Variants in SIN3A observed in about 807,000 individuals in gnomAD.
SIN3A encodes SIN3 transcription regulator family member A.
Under a neutral mutation model 146.1 loss-of-function variants are expected in SIN3A, and 14 were observed. The observed-to-expected ratio is 0.10, with a 90% confidence interval of 0.06 to 0.15. SIN3A has a LOEUF of 0.15. SIN3A is among the 10% of genes least tolerant of loss of function. The pLI is 1.00. For missense variants in SIN3A, 1,028 were observed against 1,576.0 expected (o/e 0.65, Z 5.89); for synonymous variants, 572 against 572.0 (o/e 1.00, Z 0.00).
At chr15:75,428,026 A>G (rs2073956490) in intron 2 of SIN3A, among the ~76,000 whole-genome samples, 1 of 152,146 alleles carries the variant, frequency 6.6e-6, no homozygotes, top group Non-Finnish European at 1.5e-5. Flanking sequence ...TAAAAAAACC[A>G]AAGTGATACA....
chr15:75,411,859 C>G, intron 5 of SIN3A, 116 bp from the exon 6 acceptor site: 1 of 1,150,900 alleles, frequency 8.7e-7, no homozygotes, highest in South Asian at 1.9e-5. Context: ...CTCACTCAGG[C>G]CAGGTCATTT....
chr15:75,396,461 G>A lies in SIN3A; in HGVS notation c.1890C>T (p.Ile630=), dbSNP rs369671196. The A allele has an allele frequency of 2.5e-6, 4 of 1,613,882 alleles. No individual in the cohort carries two copies. In the African/African-American group the frequency reaches 5.3e-5, roughly 22 times the overall value. Residue 630 remains isoleucine, a synonymous_variant, in exon 13 of 21, where the codon ATC becomes ATT. Transcript: ENST00000394947. ...DVVLETNLAT[I]RVLEAIQKKL... ...TCTTCTGTATTGCTTCCAGAACCCG[G>A]ATTGTTGCCAGATTGGTCTCTAAAA...
chr15:75,398,950 T>C (rs1044362786), intron 12 of SIN3A, among the ~76,000 whole-genome samples: 10 of 150,890 alleles, frequency 6.6e-5, no homozygotes, highest in African/African-American at 2.0e-4. Context: ...GATGAGTTGA[T>C]AGGTGCAGCA....
chr15:75,417,294 G>A (rs767475789), intron 3 of SIN3A, among the ~76,000 whole-genome samples: 3 of 151,762 alleles, frequency 2.0e-5, no homozygotes, highest in Non-Finnish European at 2.9e-5. Flanking sequence ...TTTAACTGAA[G>A]CCTAAATATT....
chr15:75,425,527 AT>A (rs555427699), intron 2 of SIN3A, among the ~76,000 whole-genome samples: 77 of 152,216 alleles, frequency 5.1e-4, no homozygotes, highest in African/African-American at 1.1e-3. Context: ...TGTAAAATAA[AT>A]TTTTTCCCCC....
rs765790407 is a variant in SIN3A, at chr15:75,410,298, C to T, written c.1009-12G>A. 6.2e-7 allele frequency: 1 copy of T among 1,609,426 alleles called. No homozygotes were observed. Among genetic ancestry groups the T allele is most frequent in the Non-Finnish European group, 8.5e-7 (1 of 1,178,678 alleles). ...TTTCTCTGCTCTTTCTGAGGAATTG[C>T]AAATGAAAAGAGATCATTTGGGCTA... On this transcript the variant is annotated splice_polypyrimidine_tract_variant and intron_variant, in intron 6 of 20. Transcript: ENST00000394947.
At chr15:75,417,264 G>A (rs1466381968) in intron 3 of SIN3A, among the ~76,000 whole-genome samples, 2 of 151,910 alleles carry the variant, frequency 1.3e-5, no homozygotes, top group African/African-American at 4.8e-5. Context: ...TCTGAGATAC[G>A]TTAAGTTTTA....
intron 19 of SIN3A, 117 bp downstream of exon 19, chr15:75,380,512 C>T: frequency 1.3e-6 from 1 of 759,060 alleles, no homozygotes; most frequent in Non-Finnish European, 2.3e-6. Flanking sequence ...TTAGCATCCC[C>T]AGCAGATAGA....
chr15:75,392,844 T>TG, intron 14 of SIN3A, 29 bp from the exon 15 acceptor site: 1 of 1,505,798 alleles, frequency 6.6e-7, no homozygotes, highest in Admixed American at 1.8e-5. Context: ...AAAAGTATTC[T>TG]GTGAGATGTC....
At chr15:75,437,035 T>C (rs2074119366) in intron 1 of SIN3A, among the ~76,000 whole-genome samples, 2 of 152,212 alleles carry the variant, frequency 1.3e-5, no homozygotes, top group Non-Finnish European at 1.5e-5. Context: ...GCTTAAGACA[T>C]GCCTGGCCCT....
At chr15:75,431,794 G>A (rs979343199) in intron 1 of SIN3A, among the ~76,000 whole-genome samples, 47 of 152,096 alleles carry the variant, frequency 3.1e-4, no homozygotes, top group African/African-American at 1.1e-3. Flanking sequence ...CCTCACTATA[G>A]TCCTCAATCT....
At chr15:75,434,374 G>A (rs2074065409) in intron 1 of SIN3A, among the ~76,000 whole-genome samples, 1 of 152,172 alleles carries the variant, frequency 6.6e-6, no homozygotes, top group Admixed American at 6.5e-5. Context: ...AGTAGGCCGG[G>A]CGCGGTGGCT....
intron 2 of SIN3A, among the ~76,000 whole-genome samples, chr15:75,429,340 T>C (rs1186163851): frequency 6.6e-6 from 1 of 152,130 alleles, no homozygotes; most frequent in African/African-American, 2.4e-5. Flanking sequence ...GGAGGACTGC[T>C]TGAGCCCAAG....
chr15:75,426,662 G>A (rs529918290), intron 2 of SIN3A, among the ~76,000 whole-genome samples: 1 of 152,180 alleles, frequency 6.6e-6, no homozygotes, highest in East Asian at 1.9e-4. Context: ...GGACGAGGTG[G>A]CTCATGCCTG....
At chr15:75,449,531 A>C (rs1030778476) in intron 1 of SIN3A, among the ~76,000 whole-genome samples, 1 of 152,232 alleles carries the variant, frequency 6.6e-6, no homozygotes, top group Admixed American at 6.5e-5. Context: ...TGGTTCTGCT[A>C]TCTAAATCTG....
intron 3 of SIN3A, 134 bp from the exon 4 acceptor site, chr15:75,414,445 T>TTAAATATATAAAAATATAAAAATAAA: frequency 5.0e-6 from 2 of 402,612 alleles, no homozygotes; most frequent in Non-Finnish European, 8.7e-6. Flanking sequence ...AAATATATAC[T>TTAAATATATAAAAATATAAAAATAAA]TAAAAGTTAG....
intron 15 of SIN3A, 68 bp downstream of exon 15, chr15:75,392,174 C>A: frequency 1.4e-6 from 2 of 1,391,352 alleles, no homozygotes; most frequent in Non-Finnish European, 2.0e-6. Flanking sequence ...GAAGCAGTCC[C>A]AAGTCTAGGT....
chr15:75,414,985 GAGAC>G (rs1047374529), intron 3 of SIN3A, among the ~76,000 whole-genome samples: 2 of 152,108 alleles, frequency 1.3e-5, no homozygotes, highest in African/African-American at 4.8e-5. Flanking sequence ...GTAACAAAAT[GAGAC>G]AGAAAAAAAA....
chr15:75,390,931 CT>C (rs1287895702), intron 15 of SIN3A, among the ~76,000 whole-genome samples: 10 of 152,194 alleles, frequency 6.6e-5, no homozygotes, highest in African/African-American at 2.4e-4. Context: ...ACAAAACGAA[CT>C]ATTTGTCACT....
Sources: gnomAD v4.1 joint callset for allele counts (sites outside exome capture counted in the v4.1 genomes callset) on GRCh38, gnomAD v4.1.1 for gene constraint, MANE v1.5 for transcripts, NCBI Gene and HGNC (gene_info 2026-07-23, HGNC 2026-07-21) for gene names.